Variants in DENND2B observed in about 807,000 individuals in gnomAD.
DENND2B encodes the protein DENN domain containing 2B.
Under a neutral mutation model 116.0 loss-of-function variants are expected in DENND2B, and 32 were observed. That is an observed-to-expected ratio of 0.28 (90% CI 0.21 to 0.37). The LOEUF is 0.37. Ranked by LOEUF, DENND2B falls within the 10% of genes least tolerant of loss-of-function variation. The probability of loss-of-function intolerance (pLI) is 1.00; values close to 1 mark genes in which losing one functional copy is unlikely to be tolerated. For missense variants in DENND2B, 1,276 were observed against 1,477.7 expected (o/e 0.86, Z 2.24); for synonymous variants, 588 against 583.9 (o/e 1.01, Z -0.10).
At chr11:8,909,219 A>G (rs906932620) in intron 1 of DENND2B, among the ~76,000 whole-genome samples, 1 of 152,076 alleles carries the variant, frequency 6.6e-6, no homozygotes, top group Non-Finnish European at 1.5e-5. Flanking sequence ...ACATAGGGAG[A>G]CCCTGTCTCT....
intron 1 of DENND2B, among the ~76,000 whole-genome samples, chr11:8,766,251 T>C (rs1477577283): frequency 6.6e-6 from 1 of 152,136 alleles, no homozygotes; most frequent in East Asian, 1.9e-4. Context: ...CATTCAGGCC[T>C]GTGGCAGCAC....
chr11:8,702,749 G>A lies in DENND2B; in HGVS notation c.2572-29C>T, dbSNP rs374788978. The A allele has an allele frequency of 1.2e-4, 189 of 1,605,706 alleles. 1 individual carries two copies. In the African/African-American group the frequency reaches 1.8e-3, roughly 15 times the overall value. On this transcript the variant is annotated intron_variant, in intron 13 of 19. Transcript: ENST00000313726. This position sits in a 1 kb window ranked among gnomAD's most constrained non-coding sequence, Gnocchi z 4.6. ...CAGGAGAGCGATGGGAAAGTGGGCC[G>A]GGGCCAGCCAAGTGGGTGCTGCCCT...
chr11:8,714,638 C>T lies in DENND2B; in HGVS notation c.1914G>A (p.Met638Ile). The change falls in exon 7 of 20, where the codon ATG (methionine) becomes ATA (isoleucine). Residue 638 changes from methionine to isoleucine, a missense_variant. Met to Ile is a conservative substitution (Grantham distance 10, BLOSUM62 1). This residue lies in a region of DENND2B where 856 missense variants were observed against 846.6 expected (regional missense o/e 1.01). Coordinates refer to ENST00000313726, the MANE Select transcript of DENND2B (RefSeq NM_213618.2). The part of the protein sequence containing the change: ...RGKKRLKKLS[M>I]SSIETASLRD... ...TCAGTGATGCTGTTTCAATGCTGGA[C>T]ATAGACAACTTTTTTAATCTCTTCT... The T allele has an allele frequency of 1.2e-6, 2 of 1,614,168 alleles. No individual in the cohort carries two copies. Among genetic ancestry groups the T allele is most frequent in the African/African-American group, 1.3e-5 (1 of 75,054 alleles).
chr11:8,775,509 C>A (rs189297843), intron 1 of DENND2B, among the ~76,000 whole-genome samples: 1 of 152,036 alleles, frequency 6.6e-6, no homozygotes, highest in South Asian at 2.1e-4. Context: ...GTGGCTAATT[C>A]CTCTGACCTT....
intron 1 of DENND2B, among the ~76,000 whole-genome samples, chr11:8,882,144 A>G (rs1358868280): frequency 6.6e-6 from 1 of 152,124 alleles, no homozygotes; most frequent in Non-Finnish European, 1.5e-5. Context: ...TGAACTTCCA[A>G]CTACCTTGTG....
intron 1 of DENND2B, chr11:8,766,625 G>A: frequency 1.6e-6 from 2 of 1,289,152 alleles, no homozygotes; most frequent in East Asian, 5.6e-5. Flanking sequence ...GTGAAGATCT[G>A]CACGAAAATA....
Position 8,863,248 on chromosome 11 carries a change from C to T in DENND2B, c.-249-5812G>A, listed in dbSNP as rs560213045. 1.5e-4 allele frequency among the ~76,000 whole-genome samples: 22 copies of T among 147,380 alleles called. No individual in the cohort carries two copies. The East Asian group carries it at 2.8e-3, about 19-fold the overall frequency. Reference sequence around the variant, plus strand: ...TCTACCCACGCCCCATGACTCTTAACGCCACTTTCTTTTTTTTTTTTTTTT... The same window carrying T: ...TCTACCCACGCCCCATGACTCTTAATGCCACTTTCTTTTTTTTTTTTTTTT... On this transcript the variant is annotated intron_variant, in intron 2 of 6. Coordinates refer to the DENND2B transcript ENST00000524757.
rs538257685 is a variant in DENND2B at position 8,894,026 on chromosome 11, C to T, written c.-255-12917G>A. 3.2e-4 allele frequency among the ~76,000 whole-genome samples: 49 copies of T among 152,278 alleles called. 2 individuals carry two copies. The South Asian group carries it at 1.0e-2, about 31-fold the overall frequency. On this transcript the variant is annotated intron_variant, in intron 1 of 22. Transcript: ENST00000534127. Reference sequence around the variant, plus strand: ...TACAAGGCTACAGTAACCAAAACAGCATGGTACTGGTACCAAAACAGAGAT... The same window carrying T: ...TACAAGGCTACAGTAACCAAAACAGTATGGTACTGGTACCAAAACAGAGAT...
chr11:8,766,550 TG>T, intron 1 of DENND2B: 4 of 1,165,448 alleles, frequency 3.4e-6, no homozygotes, highest in South Asian at 1.3e-5. Flanking sequence ...CAGGGAGCAA[TG>T]GGAACCAAGG....
At chr11:8,794,405 C>A (rs1017876618) in intron 1 of DENND2B, among the ~76,000 whole-genome samples, 1 of 152,212 alleles carries the variant, frequency 6.6e-6, no homozygotes, top group East Asian at 1.9e-4. Flanking sequence ...GTCCTTCCAC[C>A]CCGGGGACAG....
intron 2 of DENND2B, among the ~76,000 whole-genome samples, chr11:8,861,772 A>G (rs1026045494): frequency 6.6e-6 from 1 of 152,206 alleles, no homozygotes; most frequent in African/African-American, 2.4e-5. Context: ...AAGATACGGA[A>G]CCAACCTAAG....
intron 11 of DENND2B, among the ~76,000 whole-genome samples, chr11:8,709,944 C>CTCA (rs1222107098): frequency 6.6e-6 from 1 of 152,196 alleles, no homozygotes; most frequent in Non-Finnish European, 1.5e-5. Context: ...CCATGTTAAA[C>CTCA]TCATCTTTAT....
chr11:8,860,111 C>T (rs61291345), intron 2 of DENND2B, among the ~76,000 whole-genome samples: 5 of 152,078 alleles, frequency 3.3e-5, no homozygotes, highest in Non-Finnish European at 5.9e-5. Context: ...GGGTTCTTCC[C>T]GCCAAGGTAC....
At chr11:8,718,181 C>T (rs1413303823) in intron 4 of DENND2B, 10 of 617,690 alleles carry the variant, frequency 1.6e-5, no homozygotes, top group Admixed American at 1.3e-4. Flanking sequence ...ACAAGACTGG[C>T]TCAGCCACCC....
intron 15 of DENND2B, 73 bp from the exon 16 acceptor site, chr11:8,699,047 C>T: frequency 6.3e-6 from 10 of 1,587,892 alleles, no homozygotes; most frequent in Non-Finnish European, 8.6e-6. Flanking sequence ...GCCTCCAGAC[C>T]TCCCAGGTTC....
At chr11:8,841,627 G>A (rs2062626708) in intron 3 of DENND2B, among the ~76,000 whole-genome samples, 1 of 152,318 alleles carries the variant, frequency 6.6e-6, no homozygotes, top group Middle Eastern at 3.4e-3. Context: ...TCCAGCCTAG[G>A]TGACAGAGTA....
upstream of DENND2B, among the ~76,000 whole-genome samples, chr11:8,876,305 A>C (rs1042639590): frequency 6.6e-6 from 1 of 152,188 alleles, no homozygotes; most frequent in Non-Finnish European, 1.5e-5. Flanking sequence ...TGAGGTTTTA[A>C]TATAAAATTA....
rs1282899018 is a variant in DENND2B at position 8,702,979 on chromosome 11, G to A, written c.2572-259C>T. ...GGCTCCAGAAGGAAGGAGTTGAGGG[G>A]CCATCCATCGGGACCTCAGGAAGAG... On this transcript the variant is annotated intron_variant, in intron 13 of 19. Coordinates refer to ENST00000313726, the MANE Select transcript of DENND2B (RefSeq NM_213618.2). This position sits in a 1 kb window ranked among gnomAD's most constrained non-coding sequence, Gnocchi z 4.6. The A allele has an allele frequency of 1.7e-5, 8 of 484,622 alleles. No homozygotes were observed. The highest frequency in any genetic ancestry group is 6.9e-5 in the Admixed American group (2 of 28,966). The allele number at this position is 484,622 out of a possible 1,614,324, so 30.0% of individuals were successfully genotyped here.
chr11:8,798,753 G>A (rs1310725907), intron 1 of DENND2B, among the ~76,000 whole-genome samples: 2 of 152,018 alleles, frequency 1.3e-5, no homozygotes, highest in Non-Finnish European at 2.9e-5. Flanking sequence ...GCAACTGGAG[G>A]GGGTAGGAAA....
Sources: allele counts gnomAD v4.1 joint callset (sites outside exome capture counted in the v4.1 genomes callset), GRCh38; gene constraint gnomAD v4.1.1; regional missense constraint gnomAD v4.1.1; non-coding constraint Gnocchi (gnomAD v3.1); transcripts MANE v1.5; gene names NCBI Gene and HGNC (gene_info 2026-07-23, HGNC 2026-07-21).